Variants in SHANK2 observed in about 807,000 individuals in gnomAD.
The protein encoded by SHANK2 is SH3 and multiple ankyrin repeat domains 2, also known as SH3 and multiple ankyrin repeat domains protein 2.
SHANK2 carries 43 observed loss-of-function variants against 133.7 expected under a neutral mutation model. The observed-to-expected ratio is 0.32, with a 90% CI of 0.25 to 0.41. The LOEUF (loss-of-function observed/expected upper bound fraction) is 0.41. SHANK2 is among the 10% of genes least tolerant of loss of function. SHANK2 has a pLI of 1.00. For missense variants in SHANK2, 1,994 were observed against 2,235.8 expected, an observed-to-expected ratio of 0.89 and a Z score of 2.18; for synonymous variants, 1,017 against 952.8, an observed-to-expected ratio of 1.07 and a Z score of -1.24.
At chr11:71,114,710 C>T (rs781975638) in intron 4 of SHANK2, among the ~76,000 whole-genome samples, 4 of 152,140 alleles carry the variant, frequency 2.6e-5, no homozygotes, top group Non-Finnish European at 2.9e-5. Flanking sequence ...TTCTAGATTT[C>T]AGGACAGCAG....
intron 2 of SHANK2, among the ~76,000 whole-genome samples, chr11:71,153,145 G>A (rs1244077172): frequency 6.6e-6 from 1 of 152,156 alleles, no homozygotes. Context: ...CACGCCGGGA[G>A]GCTCCGCAGA....
rs550679195 is a variant in SHANK2 at position 70,882,703 on chromosome 11, C to A, written c.1174+13798G>T. On this transcript the variant is annotated intron_variant, in intron 11 of 25. Transcript: ENST00000601538. This position sits in a 1 kb window ranked among gnomAD's most constrained non-coding sequence, Gnocchi z 4.2. ...TGCAGGGAGAGGACGGTGATCCCCACGGCTTTGCTAAAAGGCGGCAGTGGC... is the reference window on the plus strand; with the variant it reads ...TGCAGGGAGAGGACGGTGATCCCCAAGGCTTTGCTAAAAGGCGGCAGTGGC... 4.6e-5 allele frequency among the ~76,000 whole-genome samples: 7 copies of A among 152,302 alleles called. No homozygotes were observed. In the South Asian group the frequency reaches 1.4e-3, roughly 32 times the overall value.
At chr11:70,734,180 G>C (rs955870475) in intron 14 of SHANK2, among the ~76,000 whole-genome samples, 2 of 152,210 alleles carry the variant, frequency 1.3e-5, no homozygotes, top group Non-Finnish European at 2.9e-5. Context: ...CCGGGCAGCA[G>C]GTGCGGCAGG....
At chr11:71,134,677 T>C (rs1952404043) in intron 3 of SHANK2, among the ~76,000 whole-genome samples, 1 of 152,030 alleles carries the variant, frequency 6.6e-6, no homozygotes, top group Non-Finnish European at 1.5e-5. Flanking sequence ...TGACCTCAAA[T>C]ACTCCACCCG....
At chr11:71,248,383 A>G (rs1391834266) in intron 1 of SHANK2, among the ~76,000 whole-genome samples, 7 of 152,198 alleles carry the variant, frequency 4.6e-5, no homozygotes, top group African/African-American at 1.7e-4. Flanking sequence ...TAATTTTCTA[A>G]CCGCTGCCTG....
chr11:70,906,723 C>T (rs1950109387), intron 10 of SHANK2, among the ~76,000 whole-genome samples: 1 of 152,174 alleles, frequency 6.6e-6, no homozygotes, highest in Non-Finnish European at 1.5e-5. Context: ...CCACTGATGC[C>T]CAAAGACCCC....
chr11:70,628,403 A>T (rs1565192836), intron 17 of SHANK2, among the ~76,000 whole-genome samples: 1 of 152,066 alleles, frequency 6.6e-6, no homozygotes, highest in South Asian at 2.1e-4. Flanking sequence ...CAGTAAACAC[A>T]TGTGCCCCCC....
intron 10 of SHANK2, among the ~76,000 whole-genome samples, chr11:70,943,380 C>A (rs1555084728): frequency 6.6e-6 from 1 of 152,182 alleles, no homozygotes; most frequent in Non-Finnish European, 1.5e-5. Context: ...ACTCTAGTGT[C>A]CTTAGGTGGA....
intron 2 of SHANK2, among the ~76,000 whole-genome samples, chr11:71,199,956 T>C (rs61887415): frequency 2.6e-5 from 4 of 152,214 alleles, no homozygotes; most frequent in Non-Finnish European, 4.4e-5. Context: ...GGTTTTGTCT[T>C]TTAGGGCATT....
intron 14 of SHANK2, among the ~76,000 whole-genome samples, chr11:70,714,746 C>T (rs1945871184): frequency 6.6e-6 from 1 of 152,138 alleles, no homozygotes; most frequent in Admixed American, 6.6e-5. Context: ...CTACATCCTC[C>T]CTACGGCATT....
intron 17 of SHANK2, among the ~76,000 whole-genome samples, chr11:70,589,997 C>CA (rs1266787777): frequency 1.3e-5 from 2 of 151,680 alleles, no homozygotes; most frequent in African/African-American, 2.4e-5. Context: ...ACTAAAAATA[C>CA]AAAAAAAATT....
intron 7 of SHANK2, among the ~76,000 whole-genome samples, chr11:71,093,338 C>T (rs1395619758): frequency 6.6e-6 from 1 of 152,124 alleles, no homozygotes; most frequent in African/African-American, 2.4e-5. Context: ...GCAAGCATCG[C>T]GTCTTCAAGA....
chr11:70,582,497 G>A (rs1388137069), intron 17 of SHANK2, among the ~76,000 whole-genome samples: 1 of 152,212 alleles, frequency 6.6e-6, no homozygotes, highest in Non-Finnish European at 1.5e-5. Context: ...CTATAGAGGC[G>A]GCAGGCAGCA....
intron 17 of SHANK2, among the ~76,000 whole-genome samples, chr11:70,512,248 CAAG>C (rs1227919523): frequency 6.6e-6 from 1 of 152,168 alleles, no homozygotes; most frequent in Non-Finnish European, 1.5e-5. Flanking sequence ...GCGTGAAAAT[CAAG>C]AATGTTTCCA....
chr11:70,558,475 C>G (rs1235650327), intron 17 of SHANK2, among the ~76,000 whole-genome samples: 1 of 152,210 alleles, frequency 6.6e-6, no homozygotes. Context: ...CAGGCTGGAG[C>G]CAGCCTGCCA....
intron 15 of SHANK2, among the ~76,000 whole-genome samples, chr11:70,696,633 G>A (rs1199425467): frequency 6.6e-6 from 1 of 152,226 alleles, no homozygotes; most frequent in African/African-American, 2.4e-5. Context: ...GTGGGCGAGT[G>A]TAGCAAGACC....
intron 2 of SHANK2, among the ~76,000 whole-genome samples, chr11:71,158,927 G>C (rs1212498228): frequency 6.6e-6 from 1 of 152,172 alleles, no homozygotes; most frequent in Admixed American, 6.5e-5. Flanking sequence ...ACACACAAAC[G>C]CATTCCAGAT....
intron 15 of SHANK2, among the ~76,000 whole-genome samples, chr11:70,690,125 C>T (rs61886411): frequency 0.074 from 11,317 of 152,172 alleles, 474 homozygotes; most frequent in Middle Eastern, 0.11. Context: ...GGATGATCGT[C>T]GTGTACTGAG....
chr11:70,726,205 GC>G (rs1287525109), intron 14 of SHANK2, among the ~76,000 whole-genome samples: 1 of 152,138 alleles, frequency 6.6e-6, no homozygotes, highest in Non-Finnish European at 1.5e-5. Flanking sequence ...GAGTACAGAG[GC>G]CCTGCCCCCT....
Sources: allele counts gnomAD v4.1 joint callset (sites outside exome capture counted in the v4.1 genomes callset), GRCh38; gene constraint gnomAD v4.1.1; non-coding constraint Gnocchi (gnomAD v3.1); transcripts MANE v1.5; gene names NCBI Gene and HGNC (gene_info 2026-07-23, HGNC 2026-07-21).